PRPF6: variants seen among roughly 807,000 people sequenced by gnomAD.
The protein encoded by PRPF6 is pre-mRNA-processing factor 6.
In PRPF6, 42 loss-of-function variants were observed where a neutral mutation model predicts 118.3. That is an observed-to-expected ratio of 0.35 (90% CI 0.28 to 0.46). The LOEUF (loss-of-function observed/expected upper bound fraction) is 0.46, where lower values mean the gene tolerates loss of function less well. PRPF6 is among the 20% of genes least tolerant of loss of function. The pLI, the probability that PRPF6 is intolerant of heterozygous loss-of-function variation, is 1.00. For missense variants in PRPF6, 662 were observed against 1,255.7 expected, an observed-to-expected ratio of 0.53 and a Z score of 7.15; for synonymous variants, 481 against 485.1, an observed-to-expected ratio of 0.99 and a Z score of 0.11.
At chr20:64,000,425 C>T (rs1237484203) in intron 8 of PRPF6, among the ~76,000 whole-genome samples, 1 of 144,276 alleles carries the variant, frequency 6.9e-6, no homozygotes, top group Non-Finnish European at 1.5e-5. Context: ...CCATGCTGCT[C>T]CAGCCTGGGC....
At chr20:64,010,418 C>T in intron 10 of PRPF6, 100 bp downstream of exon 10, 2 of 1,015,480 alleles carry the variant, frequency 2.0e-6, no homozygotes, top group South Asian at 1.3e-5. Flanking sequence ...GCATTGAGCT[C>T]ACTCAGGCTG....
chr20:63,993,268 G>GTATATA (rs147189959), intron 3 of PRPF6, 139 bp from the exon 4 acceptor site: 75 of 333,892 alleles, frequency 2.2e-4, no homozygotes, highest in African/African-American at 1.7e-3. Flanking sequence ...GTGTGTATAT[G>GTATATA]TATATATATA....
chr20:64,010,735 A>T (rs1470194115), intron 10 of PRPF6, among the ~76,000 whole-genome samples: 2 of 152,240 alleles, frequency 1.3e-5, no homozygotes, highest in African/African-American at 4.8e-5. Flanking sequence ...GGTTTTAAGC[A>T]TTCCAGTTCA....
rs546367171 is a variant in PRPF6 at position 64,029,999 on chromosome 20, G to A, written c.2546+508G>A. 1.4e-4 allele frequency among the ~76,000 whole-genome samples: 21 copies of A among 152,318 alleles called. No homozygotes were observed. Among genetic ancestry groups the A allele is most frequent in the Non-Finnish European group, 2.2e-4 (15 of 68,014 alleles). The stretch of plus-strand genomic sequence containing the variant: ...TGTGATTCACACTGGTGCGCTGGCC[G>A]CTGGGTCAGAGACTCACTGGGGACG... On this transcript the variant is annotated intron_variant, in intron 19 of 20. Transcript: ENST00000266079. The surrounding 1 kb of genome is among the most constrained non-coding windows in gnomAD (Gnocchi z 4.8).
intron 12 of PRPF6, among the ~76,000 whole-genome samples, chr20:64,018,688 A>T (rs1395491276): frequency 2.0e-5 from 3 of 150,944 alleles, no homozygotes; most frequent in South Asian, 2.1e-4. Flanking sequence ...CTGGTTTCGA[A>T]CTCCTGGCCT....
intron 19 of PRPF6, among the ~76,000 whole-genome samples, chr20:64,031,429 C>T (rs1305430367): frequency 6.6e-6 from 1 of 152,170 alleles, no homozygotes; most frequent in East Asian, 1.9e-4. Context: ...ATAATCCCAG[C>T]ACTGGGAGGC....
At chr20:63,988,995 C>T (rs1041414992) in intron 3 of PRPF6, among the ~76,000 whole-genome samples, 1 of 152,130 alleles carries the variant, frequency 6.6e-6, no homozygotes. Flanking sequence ...TCAAATTATA[C>T]TACAGAGCTG....
At chr20:64,016,975 C>A in intron 12 of PRPF6, 130 bp downstream of exon 12, 1 of 1,302,462 alleles carries the variant, frequency 7.7e-7, no homozygotes. Flanking sequence ...CGGGGTCTTG[C>A]TCTGTCGCCC....
intron 9 of PRPF6, among the ~76,000 whole-genome samples, chr20:64,004,014 C>T (rs2059179405): frequency 6.6e-6 from 1 of 152,194 alleles, no homozygotes; most frequent in Non-Finnish European, 1.5e-5. Context: ...ATGAAGAGCC[C>T]ATGAAAGTCT....
chr20:64,030,852 C>T (rs143622789), intron 19 of PRPF6, among the ~76,000 whole-genome samples: 1 of 152,360 alleles, frequency 6.6e-6, no homozygotes, highest in African/African-American at 2.4e-5. Flanking sequence ...GCAACTGAGA[C>T]GAACCCGAAC....
intron 1 of PRPF6, among the ~76,000 whole-genome samples, chr20:63,981,645 C>T (rs1267661703): frequency 3.6e-5 from 4 of 111,364 alleles, no homozygotes; most frequent in Non-Finnish European, 7.9e-5. Context: ...GCTGACACTC[C>T]CCCCCCCCGC....
chr20:64,021,287 TGC>T (rs891901975), intron 12 of PRPF6, among the ~76,000 whole-genome samples: 2 of 131,874 alleles, frequency 1.5e-5, no homozygotes, highest in Non-Finnish European at 3.2e-5. Flanking sequence ...CACAGCCCCG[TGC>T]GTGTGTGTGT....
intron 13 of PRPF6, 99 bp downstream of exon 13, chr20:64,022,977 T>C (rs549966229): frequency 1.3e-6 from 2 of 1,577,342 alleles, no homozygotes; most frequent in African/African-American, 1.3e-5. Context: ...TCATCCAGTC[T>C]TGTGCCCATT....
intron 12 of PRPF6, among the ~76,000 whole-genome samples, chr20:64,019,881 A>C (rs917753948): frequency 2.0e-5 from 3 of 152,038 alleles, no homozygotes; most frequent in Non-Finnish European, 4.4e-5. Flanking sequence ...CGTCCTCCTG[A>C]CCCATTTTCA....
At position 64,027,440 on chromosome 20, in the gene PRPF6, G is replaced by A. The variant is rs1186670070; in HGVS notation, c.2206-163G>A. Reference sequence around the variant, plus strand: ...GTGTGCACAGGTCCACAGCACCACCGCACACCTGTACACCCACAAATGCAG... The same window carrying A: ...GTGTGCACAGGTCCACAGCACCACCACACACCTGTACACCCACAAATGCAG... On this transcript the variant is annotated intron_variant, in intron 16 of 20. Coordinates refer to ENST00000266079, the MANE Select transcript of PRPF6 (RefSeq NM_012469.4). This position sits in a 1 kb window ranked among gnomAD's most constrained non-coding sequence, Gnocchi z 6.5. 2.0e-5 allele frequency among the ~76,000 whole-genome samples: 3 copies of A among 152,166 alleles called. No individual in the cohort carries two copies. Among genetic ancestry groups the A allele is most frequent in the Admixed American group, 6.5e-5 (1 of 15,278 alleles).
Position 64,027,687 on chromosome 20 carries a change from G to A in PRPF6, c.2290G>A (p.Ala764Thr), listed in dbSNP as rs199739342. 1.2e-6 allele frequency: 2 copies of A among 1,614,134 alleles called. No homozygotes were observed. Among genetic ancestry groups the A allele is most frequent in the Admixed American group, 1.7e-5 (1 of 60,022 alleles). The change falls in exon 17 of 21, where the codon GCC (alanine) becomes ACC (threonine). Residue 764 changes from alanine to threonine, a missense_variant. By Grantham distance (58) the Ala-to-Thr change is moderately conservative. Around this residue, in one of 10 missense-constraint regions of PRPF6, gnomAD observed 244 missense variants for 383.7 expected, o/e 0.64. Transcript: ENST00000266079. This position sits in a 1 kb window ranked among gnomAD's most constrained non-coding sequence, Gnocchi z 6.5. The part of the protein sequence containing the change: ...EKIGQLTRAR[A>T]ILEKSRLKNP... ...GATTGGGCAGCTTACTCGAGCACGG[G>A]CCATTTTGGAAAAGTCTCGTCTGAA...
chr20:64,006,601 T>C (rs913676415), intron 9 of PRPF6, among the ~76,000 whole-genome samples: 4 of 152,146 alleles, frequency 2.6e-5, no homozygotes, highest in Non-Finnish European at 5.9e-5. Flanking sequence ...ATTACAAATG[T>C]GAGCCACCAC....
chr20:64,000,227 G>A (rs943141140), intron 8 of PRPF6, among the ~76,000 whole-genome samples: 1 of 152,118 alleles, frequency 6.6e-6, no homozygotes, highest in Non-Finnish European at 1.5e-5. Flanking sequence ...GGTGGCTCAC[G>A]CCTGTAATCC....
rs2059216932 is a variant in PRPF6, at chr20:64,011,462, C to T, written c.1483C>T (p.Arg495Trp). ...CATCGACCGAGCCATCACCTCGCTG[C>T]GGGCCAACGGTGTGGAGATCAACCG... is the stretch of plus-strand genomic sequence containing the variant. ...KIIDRAITSLRANGVEINREQ... is the reference protein window; with the variant it reads ...KIIDRAITSLWANGVEINREQ... Residue 495 changes from arginine (R) to tryptophan (W), a missense_variant, in exon 11 of 21, where the codon CGG (arginine) becomes TGG (tryptophan). Coordinates refer to ENST00000266079, the MANE Select transcript of PRPF6 (RefSeq NM_012469.4). This position sits in a 1 kb window ranked among gnomAD's most constrained non-coding sequence, Gnocchi z 6.7. 4 of 1,613,806 alleles carry T rather than the reference C, an allele frequency of 2.5e-6. No individual in the cohort carries two copies. Among genetic ancestry groups the T allele is most frequent in the East Asian group, 2.2e-5 (1 of 44,896 alleles).
Sources: allele counts gnomAD v4.1 joint callset (sites outside exome capture counted in the v4.1 genomes callset), GRCh38; gene constraint gnomAD v4.1.1; regional missense constraint gnomAD v4.1.1; non-coding constraint Gnocchi (gnomAD v3.1); transcripts MANE v1.5; gene names NCBI Gene and HGNC (gene_info 2026-07-23, HGNC 2026-07-21).